MICALL2: variants seen among roughly 807,000 people sequenced by gnomAD.
MICALL2 encodes MICAL like 2, also known as MICAL-like protein 2.
In MICALL2, 111 loss-of-function variants were observed where a neutral mutation model predicts 91.1. The observed-to-expected ratio is 1.22, with a 90% CI of 1.04 to 1.43. The LOEUF is 1.43. Ranked by LOEUF, MICALL2 falls within the 40% of genes most tolerant of loss-of-function variation. The pLI, the probability that MICALL2 is intolerant of heterozygous loss-of-function variation, is 0.00. For missense variants in MICALL2, 1,556 were observed against 1,236.0 expected (o/e 1.26, Z -3.88); for synonymous variants, 694 against 525.3 (o/e 1.32, Z -4.39).
chr7:1,447,566 G>T lies in MICALL2; in HGVS notation c.525+9C>A. 1 of 1,433,348 alleles carries T rather than the reference G, an allele frequency of 7.0e-7. No homozygotes were observed. Among genetic ancestry groups the T allele is most frequent in the Non-Finnish European group, 9.4e-7 (1 of 1,058,212 alleles). 88.8% of individuals were successfully genotyped at this position (1,433,348 alleles called of 1,614,324 possible). A position where few individuals can be genotyped will look rare whatever the true frequency, so the allele number is the denominator to read the frequency against. ...AGAGAACCAGGGGGAGGGTGGGGTG[G>T]GAGCTTACAGTCTTGGGGGGCGGGC... On this transcript the variant is annotated intron_variant, in intron 4 of 16. Coordinates refer to ENST00000297508, the MANE Select transcript of MICALL2 (RefSeq NM_182924.4).
At chr7:1,437,395 C>T in intron 14 of MICALL2, 140 bp downstream of exon 14, 1 of 655,046 alleles carries the variant, frequency 1.5e-6, no homozygotes. Flanking sequence ...AGATTTGAAA[C>T]TCAAACGTGG....
At position 1,445,230 on chromosome 7, in the gene MICALL2, G is replaced by T; in HGVS notation, c.840C>A (p.Asn280Lys). 6.2e-7 allele frequency: 1 copy of T among 1,611,386 alleles called. No individual in the cohort carries two copies. The highest frequency in any genetic ancestry group is 8.5e-7 in the Non-Finnish European group (1 of 1,179,416). ...SCSPQKAQEA[N>K]KARPSAWEPA... Reference sequence around the variant, plus strand: ...GCTCCCAGGCCGACGGTCTGGCCTTGTTTGCCTCCTGGGCCTTCTGTGGGG... The same window carrying T: ...GCTCCCAGGCCGACGGTCTGGCCTTTTTTGCCTCCTGGGCCTTCTGTGGGG... The change falls in exon 6 of 17, where the codon AAC (asparagine) becomes AAA (lysine). Residue 280 changes from asparagine (N) to lysine (K), a missense_variant. Transcript: ENST00000297508.
intron 15 of MICALL2, 147 bp downstream of exon 15, chr7:1,436,595 C>T (rs1165338338): frequency 2.3e-6 from 1 of 425,860 alleles, no homozygotes; most frequent in Non-Finnish European, 4.1e-6. Context: ...CCGATGGCCA[C>T]ATGTGGCCCC....
At chr7:1,435,686 G>A (rs996144755) in intron 15 of MICALL2, among the ~76,000 whole-genome samples, 1 of 152,268 alleles carries the variant, frequency 6.6e-6, no homozygotes, top group African/African-American at 2.4e-5. Flanking sequence ...GACGAGACAG[G>A]AAAGCTGTCG....
At chr7:1,449,853 C>T (rs1259783112) in intron 2 of MICALL2, among the ~76,000 whole-genome samples, 2 of 152,248 alleles carry the variant, frequency 1.3e-5, no homozygotes, top group African/African-American at 2.4e-5. Context: ...AAGGCAGGTC[C>T]CATGTGGTGG....
Position 1,439,999 on chromosome 7 carries a change from C to G in MICALL2, c.1892G>C (p.Ser631Thr). The stretch of plus-strand genomic sequence containing the variant: ...CACGGGGGTCAGGGTGATGTGGACA[C>G]TCCCAGCAAAGCTGCCTGAGACCTT... ...PRKVSGSFAGSVHITLTPVRP... is the reference protein window; with the variant it reads ...PRKVSGSFAGTVHITLTPVRP... Residue 631 changes from serine (S) to threonine (T), a missense_variant, in exon 9 of 17, where the codon AGT (serine) becomes ACT (threonine). Physicochemically the swap from Ser to Thr is moderately conservative, Grantham distance 58. Transcript: ENST00000297508. The G allele has an allele frequency of 6.4e-7, 1 of 1,553,030 alleles. No individual in the cohort carries two copies. The highest frequency in any genetic ancestry group is 8.6e-7 in the Non-Finnish European group (1 of 1,160,824).
At chr7:1,438,418 G>A in intron 10 of MICALL2, 65 bp from the exon 11 acceptor site, 4 of 1,550,118 alleles carry the variant, frequency 2.6e-6, no homozygotes, top group Non-Finnish European at 3.5e-6. Flanking sequence ...CCAGGACACA[G>A]CTTGGAAGGA....
At chr7:1,436,980 G>C in intron 14 of MICALL2, 124 bp from the exon 15 acceptor site, 1 of 641,586 alleles carries the variant, frequency 1.6e-6, no homozygotes, top group Non-Finnish European at 2.5e-6. Context: ...GTCTTGGGGG[G>C]ATCCGGAGCA....
At chr7:1,436,990 A>C in intron 14 of MICALL2, 134 bp from the exon 15 acceptor site, 1 of 584,158 alleles carries the variant, frequency 1.7e-6, no homozygotes, top group South Asian at 2.4e-5. Context: ...GATCCGGAGC[A>C]GAATGAATGA....
intron 9 of MICALL2, chr7:1,439,478 T>A: frequency 7.7e-6 from 1 of 130,294 alleles, no homozygotes; most frequent in Non-Finnish European, 1.4e-5. Flanking sequence ...GATGTACACA[T>A]GGACACATGC....
chr7:1,445,611 A>G (rs1282186684), intron 5 of MICALL2, among the ~76,000 whole-genome samples, 183 bp from the exon 6 acceptor site: 1 of 150,214 alleles, frequency 6.7e-6, no homozygotes, highest in Non-Finnish European at 1.5e-5. Context: ...CCTGTGTTCC[A>G]CTCACGAGGT....
At chr7:1,458,338 A>C (rs758942528) in intron 1 of MICALL2, among the ~76,000 whole-genome samples, 18 of 152,058 alleles carry the variant, frequency 1.2e-4, no homozygotes, top group Non-Finnish European at 2.1e-4. Context: ...CCCACCAAAA[A>C]CACACTCAGG....
chr7:1,445,085 G>C lies in MICALL2; in HGVS notation c.985C>G (p.Pro329Ala). The C allele has an allele frequency of 6.4e-7, 1 of 1,551,348 alleles. No individual in the cohort carries two copies. The highest frequency in any genetic ancestry group is 1.2e-5 in the South Asian group (1 of 84,372). ...PARPSESRLA[P>A]TPTEGKVRPR... ...CGGACTTTCCCCTCCGTGGGAGTGG[G>C]GGCCAGGCGGCTCTCAGAGGGCCTG... Residue 329 changes from proline to alanine, a missense_variant, in exon 6 of 17, where the codon CCC becomes GCC. Pro to Ala is a conservative substitution (Grantham distance 27). Transcript: ENST00000297508.
rs1215940686 is a variant in MICALL2, at chr7:1,445,740, A to ACACACC, written c.642-318_642-313dup. 5.9e-5 allele frequency among the ~76,000 whole-genome samples: 9 copies of ACACACC among 152,272 alleles called. No individual in the cohort carries two copies. The South Asian group carries it at 1.7e-3, about 28-fold the overall frequency. On this transcript the variant is annotated intron_variant, in intron 5 of 16. Coordinates refer to ENST00000297508, the MANE Select transcript of MICALL2 (RefSeq NM_182924.4). Reference sequence around the variant, plus strand: ...AGGGTGCTTGTGCAGGTCAGCAGACACACACCCACAGGCCACCCCAGGCCC... The same window carrying ACACACC: ...AGGGTGCTTGTGCAGGTCAGCAGACACACACCCACACCCACAGGCCACCCCAGGCCC...
chr7:1,436,272 C>G lies in MICALL2; in HGVS notation c.2591+470G>C, dbSNP rs184503575. Among the ~76,000 whole-genome samples, 753 of 151,932 alleles carry G rather than the reference C, an allele frequency of 5.0e-3. 4 individuals are homozygous for G. The highest frequency in any genetic ancestry group is 9.0e-3 in the Admixed American group (137 of 15,246). ...CGGGCATGGTGGTGCGAGCTTGCTA[C>G]TCAGGAGGCTGAGGCAGGAGAATCG... On this transcript the variant is annotated intron_variant, in intron 15 of 16. Coordinates refer to ENST00000297508, the MANE Select transcript of MICALL2 (RefSeq NM_182924.4).
Position 1,438,646 on chromosome 7 carries a change from A to G in MICALL2, c.2122+194T>C. 2.1e-6 allele frequency: 3 copies of G among 1,421,978 alleles called. No individual in the cohort carries two copies. The South Asian group carries it at 4.6e-5, about 22-fold the overall frequency. The allele number at this position is 1,421,978 out of a possible 1,614,324, so 88.1% of individuals were successfully genotyped here. Reference sequence around the variant, plus strand: ...TCCATCATCACCATGAGTCTGTAACAAGGTACTCTGAAACAGCTAGGGTCT... The same window carrying G: ...TCCATCATCACCATGAGTCTGTAACGAGGTACTCTGAAACAGCTAGGGTCT... On this transcript the variant is annotated intron_variant, in intron 10 of 16. Coordinates refer to ENST00000297508, the MANE Select transcript of MICALL2 (RefSeq NM_182924.4).
rs116507730 is a variant in MICALL2, at chr7:1,453,378, G to A, written c.144-3090C>T. On this transcript the variant is annotated intron_variant, in intron 1 of 16. Coordinates refer to ENST00000297508, the MANE Select transcript of MICALL2 (RefSeq NM_182924.4). Reference sequence around the variant, plus strand: ...GGAAGAGGATGTGAAGGCACAGGGCGAAGACGGCCACCCCAGAGCCAAGGA... The same window carrying A: ...GGAAGAGGATGTGAAGGCACAGGGCAAAGACGGCCACCCCAGAGCCAAGGA... Among the ~76,000 whole-genome samples the A allele has an allele frequency of 8.3e-3, 1,270 of 152,174 alleles. 20 individuals are homozygous for A. The highest frequency in any genetic ancestry group is 0.029 in the African/African-American group (1,187 of 41,514).
intron 2 of MICALL2, 105 bp from the exon 3 acceptor site, chr7:1,448,866 G>A (rs1780710778): frequency 7.1e-7 from 1 of 1,408,046 alleles, no homozygotes; most frequent in South Asian, 1.3e-5. Context: ...AGCCCAAAGA[G>A]GCGTGGGTTG....
Position 1,459,372 on chromosome 7 carries a change from T to A in MICALL2, c.-46A>T. 1.6e-6 allele frequency: 2 copies of A among 1,222,708 alleles called. No individual in the cohort carries two copies. The highest frequency in any genetic ancestry group is 1.6e-5 in the South Asian group (1 of 61,656). The allele number at this position is 1,222,708 out of a possible 1,614,324, so 75.7% of individuals were successfully genotyped here. A position where few individuals can be genotyped will look rare whatever the true frequency, so the allele number is the denominator to read the frequency against. On this transcript the variant is annotated 5_prime_UTR_variant, in exon 1 of 17. Transcript: ENST00000297508. ...GCGGCGGAACCGCCCTCCGACACCT[T>A]CCCGCGGCTGTGCCGCGACCGCCCG... is the stretch of plus-strand genomic sequence containing the variant.
Sources: allele counts gnomAD v4.1 joint callset (sites outside exome capture counted in the v4.1 genomes callset), GRCh38; gene constraint gnomAD v4.1.1; transcripts MANE v1.5; gene names NCBI Gene and HGNC (gene_info 2026-07-23, HGNC 2026-07-21).